GPC5: variants seen among roughly 807,000 people sequenced by gnomAD.
GPC5 encodes glypican-5.
GPC5 carries 47 observed loss-of-function variants against 53.9 expected under a neutral mutation model. That is an observed-to-expected ratio of 0.87 (90% CI 0.69 to 1.11). The LOEUF (loss-of-function observed/expected upper bound fraction) is 1.11, where lower values mean the gene tolerates loss of function less well. GPC5 is among the 50% of genes most tolerant of loss of function. GPC5 has a pLI of 0.00. For synonymous variants in GPC5, 286 were observed against 263.3 expected, an observed-to-expected ratio of 1.09 and a Z score of -0.84; for missense variants, 748 against 713.1, an observed-to-expected ratio of 1.05 and a Z score of -0.56.
intron 6 of GPC5, among the ~76,000 whole-genome samples, chr13:91,908,624 A>G (rs1272918939): frequency 6.6e-6 from 1 of 152,046 alleles, no homozygotes; most frequent in African/African-American, 2.4e-5. Flanking sequence ...GCTGTTTTTA[A>G]TACATGGCAA....
chr13:92,424,803 TATTCATCTATTCATTCATTC>T (rs1876753240), intron 7 of GPC5, among the ~76,000 whole-genome samples: 4 of 136,172 alleles, frequency 2.9e-5, no homozygotes, highest in South Asian at 4.5e-4. Flanking sequence ...CACAAATCAA[TATTCATCTATTCATTCATTC>T]ATTCATTCAT....
chr13:91,716,809 T>C (rs1384505651), intron 3 of GPC5, among the ~76,000 whole-genome samples: 2 of 152,232 alleles, frequency 1.3e-5, no homozygotes, highest in Non-Finnish European at 2.9e-5. Flanking sequence ...TATATTTGAG[T>C]ACTCTAGGAA....
At chr13:91,889,255 C>T (rs1328646821) in intron 5 of GPC5, among the ~76,000 whole-genome samples, 1 of 152,080 alleles carries the variant, frequency 6.6e-6, no homozygotes, top group Non-Finnish European at 1.5e-5. Context: ...ACTCAGGGGA[C>T]AGGCTGGGGA....
At chr13:92,286,240 G>T (rs2139176715) in intron 7 of GPC5, among the ~76,000 whole-genome samples, 1 of 152,144 alleles carries the variant, frequency 6.6e-6, no homozygotes, top group Non-Finnish European at 1.5e-5. Context: ...GAAACAGCAG[G>T]TGCTGGAGAA....
At chr13:91,675,135 T>C (rs1347683901) in intron 2 of GPC5, among the ~76,000 whole-genome samples, 2 of 148,668 alleles carry the variant, frequency 1.3e-5, no homozygotes, top group East Asian at 3.9e-4. Context: ...GGCACTATTT[T>C]GGTTACATTA....
chr13:92,452,834 G>T (rs923611948), intron 7 of GPC5, among the ~76,000 whole-genome samples: 17 of 152,142 alleles, frequency 1.1e-4, no homozygotes, highest in African/African-American at 4.1e-4. Flanking sequence ...CTCCCAAAGT[G>T]CTGGGATTAC....
intron 7 of GPC5, among the ~76,000 whole-genome samples, chr13:92,339,341 T>C (rs1342647302): frequency 6.6e-6 from 1 of 152,032 alleles, no homozygotes; most frequent in Non-Finnish European, 1.5e-5. Flanking sequence ...TTTCCAGTTA[T>C]GAATATTTAC....
intron 2 of GPC5, among the ~76,000 whole-genome samples, chr13:91,470,850 C>A (rs114039964): frequency 1.1e-4 from 16 of 152,144 alleles, no homozygotes; most frequent in African/African-American, 3.9e-4. Context: ...TAATTTGGTT[C>A]CTGCTGTGTG....
At chr13:92,281,354 C>G in intron 7 of GPC5, among the ~76,000 whole-genome samples, 1 of 152,300 alleles carries the variant, frequency 6.6e-6, no homozygotes, top group African/African-American at 2.4e-5. Context: ...CAACAGAAAC[C>G]TCTGCAGAAG....
chr13:91,776,091 G>A (rs1164937137), intron 5 of GPC5, among the ~76,000 whole-genome samples: 1 of 152,202 alleles, frequency 6.6e-6, no homozygotes, highest in African/African-American at 2.4e-5. Flanking sequence ...GTTTTTGGAT[G>A]TCTGGGCATT....
intron 7 of GPC5, among the ~76,000 whole-genome samples, chr13:92,805,987 C>A (rs548875430): frequency 7.9e-5 from 12 of 152,128 alleles, no homozygotes; most frequent in African/African-American, 2.9e-4. Flanking sequence ...TGAAGCCAGG[C>A]TAGCTCTCCA....
At chr13:91,681,217 T>G (rs78827505) in intron 2 of GPC5, among the ~76,000 whole-genome samples, 3,193 of 152,208 alleles carry the variant, frequency 0.021, 108 homozygotes, top group African/African-American at 0.069. Flanking sequence ...GAGCAAGATG[T>G]TAAGAAACAA....
At chr13:91,561,906 A>G (rs1193775805) in intron 2 of GPC5, among the ~76,000 whole-genome samples, 6 of 152,164 alleles carry the variant, frequency 3.9e-5, no homozygotes, top group African/African-American at 1.4e-4. Context: ...AGCAAGACCA[A>G]TTTGCAAGTT....
chr13:92,078,071 A>G (rs2041267024), intron 6 of GPC5, among the ~76,000 whole-genome samples: 1 of 152,210 alleles, frequency 6.6e-6, no homozygotes, highest in Admixed American at 6.5e-5. Flanking sequence ...ACATGTGTAT[A>G]CATCATATAT....
chr13:92,179,030 C>T (rs543091856), intron 7 of GPC5, among the ~76,000 whole-genome samples: 78 of 152,188 alleles, frequency 5.1e-4, no homozygotes, highest in Middle Eastern at 3.4e-3. Flanking sequence ...AGTATCCTAA[C>T]GTAGACTATT....
intron 7 of GPC5, among the ~76,000 whole-genome samples, chr13:92,613,531 AT>A (rs1884561173): frequency 4.2e-5 from 3 of 71,792 alleles, no homozygotes; most frequent in Admixed American, 3.3e-4. Context: ...TATAATTTAT[AT>A]ATAAAATATA....
chr13:92,185,125 A>T (rs923134724), intron 7 of GPC5, among the ~76,000 whole-genome samples: 4 of 152,118 alleles, frequency 2.6e-5, no homozygotes, highest in African/African-American at 9.7e-5. Context: ...TTCAAGAATC[A>T]GTCTTCAGCT....
At chr13:92,228,315 AAAAAG>A (rs2042504011) in intron 7 of GPC5, among the ~76,000 whole-genome samples, 1 of 152,186 alleles carries the variant, frequency 6.6e-6, no homozygotes, top group Non-Finnish European at 1.5e-5. Flanking sequence ...AAATATAAAT[AAAAAG>A]AAATAAAAGT....
chr13:91,632,870 T>C (rs566474028), intron 2 of GPC5, among the ~76,000 whole-genome samples: 6 of 152,242 alleles, frequency 3.9e-5, no homozygotes, highest in African/African-American at 1.2e-4. Flanking sequence ...GCCGAGGTAG[T>C]TCAGCTGAAA....
Sources: allele counts gnomAD v4.1 joint callset (sites outside exome capture counted in the v4.1 genomes callset), GRCh38; gene constraint gnomAD v4.1.1; transcripts MANE v1.5; gene names NCBI Gene and HGNC (gene_info 2026-07-23, HGNC 2026-07-21).